Variants in MARCHF1 observed in about 807,000 individuals in gnomAD.
MARCHF1 encodes E3 ubiquitin-protein ligase MARCHF1.
A neutral mutation model predicts 54.2 loss-of-function variants in MARCHF1; 40 were observed. The observed-to-expected ratio is 0.74, with a 90% CI of 0.57 to 0.96. MARCHF1 has a LOEUF of 0.96. Ranked by LOEUF, MARCHF1 falls within the 40% of genes least tolerant of loss-of-function variation. The pLI is 0.00. For missense variants in MARCHF1, 586 were observed against 656.5 expected, an observed-to-expected ratio of 0.89 and a Z score of 1.17; for synonymous variants, 236 against 236.3, an observed-to-expected ratio of 1.00 and a Z score of 0.01.
chr4:163,547,862 T>C (rs1738961304), intron 8 of MARCHF1, among the ~76,000 whole-genome samples: 1 of 152,200 alleles, frequency 6.6e-6, no homozygotes, highest in Non-Finnish European at 1.5e-5. Flanking sequence ...TAATTTTCCT[T>C]GAAGGAGTTT....
At chr4:163,649,259 T>A (rs1041998536) in intron 5 of MARCHF1, among the ~76,000 whole-genome samples, 1 of 151,960 alleles carries the variant, frequency 6.6e-6, no homozygotes, top group African/African-American at 2.4e-5. Flanking sequence ...TTGACTTATA[T>A]CATACAAAAA....
At chr4:163,683,715 C>A (rs946011781) in intron 5 of MARCHF1, among the ~76,000 whole-genome samples, 5 of 152,110 alleles carry the variant, frequency 3.3e-5, no homozygotes, top group African/African-American at 7.2e-5. Context: ...TGCATGTGTT[C>A]GACTTATGAT....
chr4:164,061,034 C>T (rs1234458024), intron 2 of MARCHF1, among the ~76,000 whole-genome samples: 1 of 152,120 alleles, frequency 6.6e-6, no homozygotes, highest in African/African-American at 2.4e-5. Flanking sequence ...ATCCAGCTAA[C>T]CTATCATTTT....
chr4:164,374,877 A>G (rs918055736), intron 1 of MARCHF1, among the ~76,000 whole-genome samples: 13 of 152,168 alleles, frequency 8.5e-5, no homozygotes, highest in Admixed American at 7.2e-4. Context: ...AAATAAACCA[A>G]GTTATCTTAT....
rs373606656 is a variant in MARCHF1 at position 163,595,912 on chromosome 4, G to GT, written c.1011-9984dup. Among the ~76,000 whole-genome samples, 458 of 151,862 alleles carry GT rather than the reference G, an allele frequency of 3.0e-3. 4 individuals carry two copies. The highest frequency in any genetic ancestry group is 0.01 in the African/African-American group (434 of 41,386). Reference sequence around the variant, plus strand: ...TAAAAAGGTAAATCTCCTGTTAAGGGTTTTTTAACCACAATAAAGATAAAT... The same window carrying GT: ...TAAAAAGGTAAATCTCCTGTTAAGGGTTTTTTTAACCACAATAAAGATAAAT... On this transcript the variant is annotated intron_variant, in intron 7 of 9. Transcript: ENST00000514618.
At chr4:164,052,092 C>A (rs1454502854) in intron 2 of MARCHF1, among the ~76,000 whole-genome samples, 4 of 151,120 alleles carry the variant, frequency 2.6e-5, no homozygotes, top group African/African-American at 9.7e-5. Flanking sequence ...AAAGTACCAA[C>A]ATTCCAAGAC....
intron 3 of MARCHF1, among the ~76,000 whole-genome samples, chr4:163,983,826 A>C (rs1192692989): frequency 6.6e-6 from 1 of 152,154 alleles, no homozygotes; most frequent in African/African-American, 2.4e-5. Flanking sequence ...TAATGTGAAA[A>C]GGTTAAGTTG....
At chr4:164,126,911 C>T (rs1042873017) in intron 1 of MARCHF1, among the ~76,000 whole-genome samples, 1 of 151,960 alleles carries the variant, frequency 6.6e-6, no homozygotes, top group Admixed American at 6.6e-5. Context: ...AAAATTAGCC[C>T]ACCATGTTGG....
At chr4:164,338,352 G>A (rs946848008) in intron 1 of MARCHF1, among the ~76,000 whole-genome samples, 22 of 151,842 alleles carry the variant, frequency 1.4e-4, no homozygotes, top group African/African-American at 4.8e-4. Flanking sequence ...CAGCAAAAAT[G>A]GTTTAAAAGA....
At chr4:164,347,581 T>G (rs1730144246) in intron 1 of MARCHF1, among the ~76,000 whole-genome samples, 1 of 152,182 alleles carries the variant, frequency 6.6e-6, no homozygotes, top group Non-Finnish European at 1.5e-5. Flanking sequence ...GTGGGCTAAT[T>G]ATTTAGTTCT....
intron 1 of MARCHF1, among the ~76,000 whole-genome samples, chr4:164,155,206 G>A (rs1730045496): frequency 6.6e-6 from 1 of 152,036 alleles, no homozygotes; most frequent in African/African-American, 2.4e-5. Context: ...TGGGTCTGTG[G>A]GTATCCAGGC....
intron 8 of MARCHF1, among the ~76,000 whole-genome samples, chr4:163,547,375 T>C (rs2110925000): frequency 6.6e-6 from 1 of 152,344 alleles, no homozygotes; most frequent in South Asian, 2.1e-4. Context: ...CAGGTGTACA[T>C]TGATTATTTT....
intron 2 of MARCHF1, among the ~76,000 whole-genome samples, chr4:164,028,034 A>G (rs1753805876): frequency 1.3e-5 from 2 of 152,146 alleles, no homozygotes; most frequent in Admixed American, 6.6e-5. Flanking sequence ...AATATCTCAT[A>G]CTAGTCAAAA....
At position 163,526,579 on chromosome 4, in the gene MARCHF1, A is replaced by AAATGT. The variant is rs1455688432; in HGVS notation, c.*2164_*2168dup. ...AATCACCCACAGATTTGTTATTCAT[A>AAATGT]AATGTATTTATCTTAAATATTTAAA... On this transcript the variant is annotated 3_prime_UTR_variant, in exon 10 of 10. Transcript: ENST00000514618. 6.6e-6 allele frequency: 1 copy of AAATGT among 152,058 alleles called. No homozygotes were observed. The highest frequency in any genetic ancestry group is 1.5e-5 in the Non-Finnish European group (1 of 67,964). 9.4% of individuals were successfully genotyped at this position (152,058 alleles called of 1,614,324 possible).
intron 2 of MARCHF1, among the ~76,000 whole-genome samples, chr4:163,990,602 C>CA (rs1198407235): frequency 6.6e-6 from 1 of 152,086 alleles, no homozygotes; most frequent in Non-Finnish European, 1.5e-5. Context: ...CAGCCTTTGC[C>CA]AAAAATGCCA....
chr4:164,176,966 CTCT>C (rs1730689310), intron 1 of MARCHF1, among the ~76,000 whole-genome samples: 13 of 46,728 alleles, frequency 2.8e-4, no homozygotes, highest in African/African-American at 1.4e-3. Flanking sequence ...CTCTCTCTCT[CTCT>C]CTCTCTCTCT....
chr4:163,737,160 C>CT (rs201243891), intron 4 of MARCHF1, among the ~76,000 whole-genome samples: 494 of 40,956 alleles, frequency 0.012, 20 homozygotes, highest in African/African-American at 0.058. Flanking sequence ...CAGCTTTTTT[C>CT]TTTCTTTTTT....
chr4:163,603,340 C>CGGAG (rs1164735589), intron 7 of MARCHF1, among the ~76,000 whole-genome samples: 1 of 151,988 alleles, frequency 6.6e-6, no homozygotes, highest in Non-Finnish European at 1.5e-5. Flanking sequence ...GATACCACTC[C>CGGAG]CCTAGATTCA....
intron 1 of MARCHF1, among the ~76,000 whole-genome samples, chr4:164,368,882 T>C (rs1730953045): frequency 6.6e-6 from 1 of 152,146 alleles, no homozygotes; most frequent in African/African-American, 2.4e-5. Context: ...TTACTGCAGG[T>C]TGGGGTCTCT....
Sources: gnomAD v4.1 joint callset for allele counts (sites outside exome capture counted in the v4.1 genomes callset) on GRCh38, gnomAD v4.1.1 for gene constraint, MANE v1.5 for transcripts, NCBI Gene and HGNC (gene_info 2026-07-23, HGNC 2026-07-21) for gene names.